LINGO2: variants seen among roughly 807,000 people sequenced by gnomAD.
LINGO2 encodes leucine-rich repeat and immunoglobulin-like domain-containing nogo receptor-interacting protein 2.
In LINGO2, 14 loss-of-function variants were observed where a neutral mutation model predicts 30.6. That is an observed-to-expected ratio of 0.46 (90% CI 0.30 to 0.72). The LOEUF is 0.72. Among genes scored for constraint, LINGO2 ranks in the 30% least tolerant of loss-of-function variants. The pLI is 0.07. For synonymous variants in LINGO2, 317 were observed against 288.5 expected, an observed-to-expected ratio of 1.10 and a Z score of -1.00; for missense variants, 729 against 751.7, an observed-to-expected ratio of 0.97 and a Z score of 0.35.
At chr9:28,623,005 T>C (rs1309789359) in intron 1 of LINGO2, among the ~76,000 whole-genome samples, 1 of 152,102 alleles carries the variant, frequency 6.6e-6, no homozygotes, top group South Asian at 2.1e-4. Context: ...GAAATGTCTA[T>C]TCAAATCTTT....
At chr9:28,203,175 G>A (rs1011109520) in intron 4 of LINGO2, among the ~76,000 whole-genome samples, 3 of 152,128 alleles carry the variant, frequency 2.0e-5, no homozygotes, top group African/African-American at 4.8e-5. Flanking sequence ...AGTGTTCACC[G>A]AAAAGATGAT....
At chr9:29,012,599 T>C in the LINGO2 span, among the ~76,000 whole-genome samples, 3 of 152,142 alleles carry the variant, frequency 2.0e-5, no homozygotes. Flanking sequence ...TAATATTAAA[T>C]ATTAATGATA....
intron 2 of LINGO2, among the ~76,000 whole-genome samples, chr9:28,463,282 T>G (rs1276313405): frequency 6.6e-6 from 1 of 151,996 alleles, no homozygotes; most frequent in Non-Finnish European, 1.5e-5. Context: ...GTGAAGAAAT[T>G]TATCAAATCT....
chr9:29,148,003 T>C, the LINGO2 span, among the ~76,000 whole-genome samples: 1 of 152,098 alleles, frequency 6.6e-6, no homozygotes, highest in Non-Finnish European at 1.5e-5. Flanking sequence ...ACTTATTTAA[T>C]CTGATGCTAT....
At chr9:28,706,605 T>C in the LINGO2 span, among the ~76,000 whole-genome samples, 1 of 152,150 alleles carries the variant, frequency 6.6e-6, no homozygotes, top group Admixed American at 6.6e-5. Flanking sequence ...CTTGTCTTCA[T>C]GATAGACATG....
chr9:28,787,548 T>A, the LINGO2 span, among the ~76,000 whole-genome samples: 1 of 152,166 alleles, frequency 6.6e-6, no homozygotes, highest in African/African-American at 2.4e-5. Flanking sequence ...TGTCAAAAAA[T>A]CTAGAACAAT....
At chr9:28,668,048 T>A (rs1828869563) in intron 1 of LINGO2, among the ~76,000 whole-genome samples, 1 of 152,062 alleles carries the variant, frequency 6.6e-6, no homozygotes, top group Non-Finnish European at 1.5e-5. Flanking sequence ...TTTCTAGCTC[T>A]TAACTAATAT....
chr9:28,620,009 G>A (rs1296776828), intron 1 of LINGO2, among the ~76,000 whole-genome samples: 3 of 127,658 alleles, frequency 2.4e-5, no homozygotes, highest in South Asian at 2.6e-4. Context: ...ACTTTAATAT[G>A]TTTCTGCTTC....
Position 28,526,055 on chromosome 9 carries a change from C to CAAAAAAAAAAAAAAA in LINGO2, c.-364-50045_-364-50031dup, listed in dbSNP as rs58629857. Reference sequence around the variant, plus strand: ...TGGGTGACAGAGCGAGACTCCGTCTCAAAAAAAAAAAAAAAAAAAAAGCCA... The same window carrying CAAAAAAAAAAAAAAA: ...TGGGTGACAGAGCGAGACTCCGTCTCAAAAAAAAAAAAAAAAAAAAAAAAAAAAAAAAAAAAGCCA... On this transcript the variant is annotated intron_variant, in intron 1 of 5. Coordinates refer to ENST00000379992, the Ensembl canonical transcript of LINGO2. 8.4e-3 allele frequency among the ~76,000 whole-genome samples: 406 copies of CAAAAAAAAAAAAAAA among 48,480 alleles called. 67 individuals are homozygous for CAAAAAAAAAAAAAAA. The highest frequency in any genetic ancestry group is 0.021 in the East Asian group (27 of 1,288). 31.8% of individuals were successfully genotyped at this position (48,480 alleles called of 152,430 possible).
At chr9:29,114,283 C>T in the LINGO2 span, among the ~76,000 whole-genome samples, 4 of 151,682 alleles carry the variant, frequency 2.6e-5, no homozygotes, top group South Asian at 6.3e-4. Context: ...GAAAGTACCA[C>T]GGCTTCAAGT....
At chr9:28,875,496 T>A in the LINGO2 span, among the ~76,000 whole-genome samples, 1 of 151,988 alleles carries the variant, frequency 6.6e-6, no homozygotes, top group Admixed American at 6.6e-5. Context: ...ACTTTACCAA[T>A]TGTCTCAAGA....
upstream of LINGO2, among the ~76,000 whole-genome samples, chr9:28,672,634 T>C (rs948199886): frequency 3.3e-5 from 5 of 152,220 alleles, no homozygotes; most frequent in African/African-American, 1.2e-4. Context: ...ATTAAAGTGC[T>C]TTCTGAATGT....
At chr9:28,167,362 T>G (rs1828459979) in intron 4 of LINGO2, among the ~76,000 whole-genome samples, 1 of 152,094 alleles carries the variant, frequency 6.6e-6, no homozygotes, top group Non-Finnish European at 1.5e-5. Context: ...GAGCCCAGTC[T>G]TTCTCTGTTG....
chr9:28,224,595 C>T (rs1262165546), intron 4 of LINGO2, among the ~76,000 whole-genome samples: 1 of 152,138 alleles, frequency 6.6e-6, no homozygotes, highest in African/African-American at 2.4e-5. Context: ...AGCTATCAAA[C>T]ACTATGTCTT....
chr9:28,628,233 T>C (rs755024715), intron 1 of LINGO2, among the ~76,000 whole-genome samples: 1 of 151,216 alleles, frequency 6.6e-6, no homozygotes, highest in African/African-American at 2.4e-5. Flanking sequence ...TTAACTAGCA[T>C]AGAAAAAGTA....
chr9:28,662,303 T>C (rs1227230150), intron 1 of LINGO2, among the ~76,000 whole-genome samples: 1 of 152,154 alleles, frequency 6.6e-6, no homozygotes, highest in East Asian at 1.9e-4. Flanking sequence ...GGGGAAAATT[T>C]GGAGTGAGTG....
chr9:28,970,238 T>C, the LINGO2 span, among the ~76,000 whole-genome samples: 1 of 152,116 alleles, frequency 6.6e-6, no homozygotes, highest in South Asian at 2.1e-4. Context: ...CTGAAGGGCC[T>C]AGACTACTGG....
At chr9:28,408,473 A>T (rs1452483873) in intron 2 of LINGO2, among the ~76,000 whole-genome samples, 2 of 152,068 alleles carry the variant, frequency 1.3e-5, no homozygotes, top group Non-Finnish European at 2.9e-5. Flanking sequence ...AAGTCATTCA[A>T]CATGGATGAA....
chr9:28,633,055 G>T (rs1827076585), intron 1 of LINGO2, among the ~76,000 whole-genome samples: 1 of 151,514 alleles, frequency 6.6e-6, no homozygotes, highest in Non-Finnish European at 1.5e-5. Context: ...AGGGCAGGAA[G>T]CATCCAGCAT....
Sources: allele counts gnomAD v4.1 joint callset (sites outside exome capture counted in the v4.1 genomes callset), GRCh38; gene constraint gnomAD v4.1.1; transcripts MANE v1.5; gene names NCBI Gene and HGNC (gene_info 2026-07-23, HGNC 2026-07-21).